Variants in WWC2 observed in about 807,000 individuals in gnomAD.
The protein encoded by WWC2 is WW and C2 domain containing 2.
A neutral mutation model predicts 138.5 loss-of-function variants in WWC2; 101 were observed. The observed-to-expected ratio is 0.73, with a 90% CI of 0.62 to 0.86. WWC2 has a LOEUF of 0.86. Ranked by LOEUF, WWC2 falls within the 40% of genes least tolerant of loss-of-function variation. WWC2 has a pLI of 0.00. For synonymous variants in WWC2, 558 were observed against 538.4 expected (o/e 1.04, Z -0.50); for missense variants, 1,420 against 1,419.4 (o/e 1.00, Z -0.01).
At chr4:183,103,674 T>C (rs1743255592) in intron 1 of WWC2, among the ~76,000 whole-genome samples, 1 of 146,044 alleles carries the variant, frequency 6.8e-6, no homozygotes, top group African/African-American at 2.6e-5. Context: ...AGTCTTGCTG[T>C]GTCGCCAGAC....
chr4:183,128,539 G>A (rs1732830745), intron 1 of WWC2, among the ~76,000 whole-genome samples: 1 of 152,094 alleles, frequency 6.6e-6, no homozygotes, highest in African/African-American at 2.4e-5. Flanking sequence ...GTGTCTTTTT[G>A]TGGCTCTTCC....
chr4:183,167,970 C>A (rs1037899925), intron 1 of WWC2, among the ~76,000 whole-genome samples: 13 of 151,872 alleles, frequency 8.6e-5, no homozygotes, highest in Admixed American at 3.9e-4. Flanking sequence ...ATTCTCCTGC[C>A]TCAGCCTCCC....
intron 1 of WWC2, among the ~76,000 whole-genome samples, chr4:183,169,149 C>G (rs1734206421): frequency 6.6e-6 from 1 of 152,194 alleles, no homozygotes; most frequent in Admixed American, 6.5e-5. Flanking sequence ...CGCCCAGCCT[C>G]TAAAATTTAT....
At chr4:183,189,126 C>G (rs1734909428) in intron 1 of WWC2, among the ~76,000 whole-genome samples, 2 of 151,720 alleles carry the variant, frequency 1.3e-5, no homozygotes, top group African/African-American at 4.8e-5. Context: ...TGCTAGTTTC[C>G]CTATCTAGTG....
chr4:183,282,766 A>AAATTGCCAG lies in WWC2; in HGVS notation c.2745_2753dup (p.Leu916_Glu918dup), dbSNP rs1242845107. The AAATTGCCAG allele has an allele frequency of 6.3e-7, 1 of 1,581,072 alleles. No individual in the cohort carries two copies. The highest frequency in any genetic ancestry group is 8.6e-7 in the Non-Finnish European group (1 of 1,162,834). On this transcript the variant is annotated inframe_insertion, in exon 18 of 23. Coordinates refer to ENST00000403733, the MANE Select transcript of WWC2 (RefSeq NM_024949.6). ...TGTGGCTGAAAAAGAGGCTGAAGTTAAATTGCCAGAGGACAGTAGCTGTAC... is the reference window on the plus strand; with the variant it reads ...TGTGGCTGAAAAAGAGGCTGAAGTTAAATTGCCAGAATTGCCAGAGGACAGTAGCTGTAC...
chr4:183,144,646 G>A (rs1486766403), intron 1 of WWC2, among the ~76,000 whole-genome samples: 1 of 151,946 alleles, frequency 6.6e-6, no homozygotes, highest in East Asian at 1.9e-4. Context: ...TTTTTGTAGC[G>A]AGAAAATATA....
At chr4:183,213,125 A>G (rs1055154086) in intron 4 of WWC2, among the ~76,000 whole-genome samples, 3 of 152,344 alleles carry the variant, frequency 2.0e-5, no homozygotes, top group Non-Finnish European at 2.9e-5. Context: ...AAATGCTGCC[A>G]TAGCAGATTG....
intron 19 of WWC2, among the ~76,000 whole-genome samples, 152 bp downstream of exon 19, chr4:183,284,542 C>T (rs756611292): frequency 6.6e-5 from 10 of 152,202 alleles, no homozygotes; most frequent in African/African-American, 2.2e-4. Flanking sequence ...TAGAATATCA[C>T]GTGCTTATGG....
At chr4:183,287,781 G>A (rs887250325) in intron 20 of WWC2, among the ~76,000 whole-genome samples, 1 of 152,206 alleles carries the variant, frequency 6.6e-6, no homozygotes, top group Non-Finnish European at 1.5e-5. Flanking sequence ...CGGCAGAGGT[G>A]TGCTGCACCC....
chr4:183,194,116 G>T (rs1168999194), intron 2 of WWC2, among the ~76,000 whole-genome samples: 1 of 152,200 alleles, frequency 6.6e-6, no homozygotes, highest in African/African-American at 2.4e-5. Context: ...GCTGGGACTG[G>T]GGAGGGGTTG....
chr4:183,272,455 G>A (rs1396505976), intron 16 of WWC2, among the ~76,000 whole-genome samples: 1 of 152,212 alleles, frequency 6.6e-6, no homozygotes, highest in Admixed American at 6.5e-5. Flanking sequence ...TTTAAAGTGT[G>A]ACAGTTTATC....
intron 21 of WWC2, among the ~76,000 whole-genome samples, chr4:183,307,627 G>A (rs2111113175): frequency 6.6e-6 from 1 of 152,324 alleles, no homozygotes; most frequent in Admixed American, 6.5e-5. Flanking sequence ...GTGCAAGGCT[G>A]ATTTAACATT....
At position 183,319,622 on chromosome 4, in the gene WWC2, G is replaced by C. The variant is rs200710817; in HGVS notation, c.*3893G>C. On this transcript the variant is annotated 3_prime_UTR_variant, in exon 23 of 23. Coordinates refer to ENST00000403733, the MANE Select transcript of WWC2 (RefSeq NM_024949.6). The stretch of plus-strand genomic sequence containing the variant: ...GATGATCTTGTGTTTGTGCCACTGC[G>C]TAGTGGCCCGAAGCTAGGGGAGCGT... The C allele has an allele frequency of 7.4e-6, 12 of 1,614,128 alleles. No homozygotes were observed. The Admixed American group carries it at 2.0e-4, about 27-fold the overall frequency.
intron 1 of WWC2, among the ~76,000 whole-genome samples, chr4:183,139,943 G>C (rs1233724870): frequency 2.6e-5 from 4 of 152,160 alleles, no homozygotes; most frequent in Non-Finnish European, 5.9e-5. Flanking sequence ...CTCCCGAGTA[G>C]GTGGGATCAT....
In WWC2 at chr4:183,265,912, G is replaced by A. The variant is rs780383081; in HGVS notation, c.2168G>A (p.Arg723Gln). The change falls in exon 14 of 23, where the codon CGA becomes CAA. Residue 723 changes from arginine (R) to glutamine (Q), a missense_variant. Arg to Gln is a conservative substitution (Grantham distance 43). Coordinates refer to ENST00000403733, the MANE Select transcript of WWC2 (RefSeq NM_024949.6). ...TTCATGGTGATTATAGCACAGCTCCGAAACCTTCATGCCTTCTTGATACCT... is the reference window on the plus strand; with the variant it reads ...TTCATGGTGATTATAGCACAGCTCCAAAACCTTCATGCCTTCTTGATACCT... ...SSFMVIIAQL[R>Q]NLHAFLIPHT... The A allele has an allele frequency of 8.7e-6, 14 of 1,613,184 alleles. No individual in the cohort carries two copies. Among genetic ancestry groups the A allele is most frequent in the East Asian group, 2.2e-5 (1 of 44,884 alleles).
intron 21 of WWC2, among the ~76,000 whole-genome samples, chr4:183,296,439 G>A (rs906445305): frequency 8.5e-5 from 13 of 152,176 alleles, no homozygotes; most frequent in Non-Finnish European, 1.5e-4. Flanking sequence ...GCCCAGTGAA[G>A]GATACAAGCA....
chr4:183,315,717 T>G lies in WWC2; in HGVS notation c.3567T>G (p.Ala1189=). The change falls in exon 23 of 23, where the codon GCT becomes GCG. Residue 1189 remains alanine, a synonymous_variant. Coordinates refer to ENST00000403733, the MANE Select transcript of WWC2 (RefSeq NM_024949.6). ...RAKISIPSLP[A]DDV ...AGATAAGCATCCCATCCCTGCCAGCTGATGATGTGTGATTACATGACTTAA... is the reference window on the plus strand; with the variant it reads ...AGATAAGCATCCCATCCCTGCCAGCGGATGATGTGTGATTACATGACTTAA... 6.2e-7 allele frequency: 1 copy of G among 1,612,374 alleles called. No individual in the cohort carries two copies.
At chr4:183,267,243 T>C (rs1737533864) in intron 14 of WWC2, among the ~76,000 whole-genome samples, 1 of 152,076 alleles carries the variant, frequency 6.6e-6, no homozygotes, top group African/African-American at 2.4e-5. Context: ...GAGAACTTCC[T>C]GAATCAAAGT....
In WWC2 at chr4:183,188,294, A is replaced by G. The variant is rs1316778126; in HGVS notation, c.132-5305A>G. Reference sequence around the variant, plus strand: ...CGCTGTGTCGCCCAGGCTGGAGTGCAGTGGCACAATCTTGGCTCACTACAA... The same window carrying G: ...CGCTGTGTCGCCCAGGCTGGAGTGCGGTGGCACAATCTTGGCTCACTACAA... On this transcript the variant is annotated intron_variant, in intron 1 of 22. Coordinates refer to ENST00000403733, the MANE Select transcript of WWC2 (RefSeq NM_024949.6). Among the ~76,000 whole-genome samples the G allele has an allele frequency of 3.9e-5, 6 of 152,244 alleles. No individual in the cohort carries two copies. In the South Asian group the frequency reaches 8.3e-4, roughly 21 times the overall value.
Sources: gnomAD v4.1 joint callset for allele counts (sites outside exome capture counted in the v4.1 genomes callset) on GRCh38, gnomAD v4.1.1 for gene constraint, MANE v1.5 for transcripts, NCBI Gene and HGNC (gene_info 2026-07-23, HGNC 2026-07-21) for gene names.